NPNT: variants seen among roughly 807,000 people sequenced by gnomAD.
NPNT encodes preosteoblast EGF-like repeat protein with MAM domain.
In NPNT, 45 loss-of-function variants were observed where a neutral mutation model predicts 68.6. That is an observed-to-expected ratio of 0.66 (90% CI 0.52 to 0.84). The LOEUF (loss-of-function observed/expected upper bound fraction) is 0.84, where lower values mean the gene tolerates loss of function less well. NPNT is among the 40% of genes least tolerant of loss of function. The pLI is 0.00. For synonymous variants in NPNT, 233 were observed against 253.3 expected (o/e 0.92, Z 0.76); for missense variants, 672 against 714.8 (o/e 0.94, Z 0.68).
intron 10 of NPNT, among the ~76,000 whole-genome samples, chr4:105,960,899 C>G (rs1731670848): frequency 6.6e-6 from 1 of 152,104 alleles, no homozygotes; most frequent in Non-Finnish European, 1.5e-5. Context: ...GCAATTTACA[C>G]TCCTACCAAC....
intron 3 of NPNT, among the ~76,000 whole-genome samples, chr4:105,928,473 T>A (rs938847183): frequency 1.3e-5 from 2 of 151,838 alleles, no homozygotes; most frequent in Non-Finnish European, 2.9e-5. Context: ...ATTAGCTGCG[T>A]GTGGTGGCTC....
chr4:105,896,373 G>C (rs1212885736), intron 1 of NPNT, among the ~76,000 whole-genome samples: 2 of 152,098 alleles, frequency 1.3e-5, no homozygotes, highest in East Asian at 1.9e-4. Context: ...CGAGCCTGAC[G>C]GCGGCGTGCT....
In NPNT at chr4:105,923,315, G is replaced by GTT. The variant is rs11431753; in HGVS notation, c.173-4012_173-4011dup. On this transcript the variant is annotated intron_variant, in intron 2 of 11. Coordinates refer to ENST00000379987, the MANE Select transcript of NPNT (RefSeq NM_001033047.3). Reference sequence around the variant, plus strand: ...CTAGTTATTTAGATGTAGAAATAAAGTTTTTTTTTTACATTCCCCTGAGTA... The same window carrying GTT: ...CTAGTTATTTAGATGTAGAAATAAAGTTTTTTTTTTTTACATTCCCCTGAGTA... 1.5e-4 allele frequency among the ~76,000 whole-genome samples: 22 copies of GTT among 149,284 alleles called. No individual in the cohort carries two copies. The South Asian group carries it at 1.9e-3, about 13-fold the overall frequency.
chr4:105,901,590 A>G (rs1726421133), intron 2 of NPNT, among the ~76,000 whole-genome samples: 1 of 152,210 alleles, frequency 6.6e-6, no homozygotes, highest in Non-Finnish European at 1.5e-5. Context: ...TCATTGAGCA[A>G]CTTGTGGTTT....
chr4:105,936,117 G>A (rs1729471975), intron 3 of NPNT, among the ~76,000 whole-genome samples: 2 of 152,050 alleles, frequency 1.3e-5, no homozygotes, highest in African/African-American at 2.4e-5. Context: ...GTTTAATTTA[G>A]GTTAAAACCT....
In NPNT at chr4:105,897,953, A is replaced by T. The variant is rs779397846; in HGVS notation, c.124A>T (p.Ile42Phe). 2 of 1,613,346 alleles carry T rather than the reference A, an allele frequency of 1.2e-6. No homozygotes were observed. The highest frequency in any genetic ancestry group is 1.1e-5 in the South Asian group (1 of 90,916). Reference protein sequence around the residue: ...SIGLCRYGGRIDCCWGWARQS... With the variant: ...SIGLCRYGGRFDCCWGWARQS... ...TGGCCTATGTCGTTATGGTGGGAGG[A>T]TTGACTGCTGCTGGGGCTGGGCTCG... The change falls in exon 2 of 12, where the codon ATT becomes TTT. Residue 42 changes from isoleucine to phenylalanine, a missense_variant. Transcript: ENST00000379987.
intron 7 of NPNT, among the ~76,000 whole-genome samples, chr4:105,941,017 G>A (rs1427189979): frequency 6.6e-6 from 1 of 151,934 alleles, no homozygotes; most frequent in Non-Finnish European, 1.5e-5. Flanking sequence ...TTTTCCCTCT[G>A]TTTTATTGCT....
Position 105,940,148 on chromosome 4 carries a change from CATCTGCAAGTGTCA to C in NPNT, c.580_593del (p.Ile194Ter). 6.2e-7 allele frequency: 1 copy of C among 1,612,614 alleles called. No homozygotes were observed. Among genetic ancestry groups the C allele is most frequent in the Non-Finnish European group, 8.5e-7 (1 of 1,178,684 alleles). ...AATGTGTCAACACTTTTGGGAGCTA[CATCTGCAAGTGTCA>C]TAAAGGCTTCGATCTCATGTATATT... On this transcript the variant is annotated frameshift_variant, in exon 6 of 12. Coordinates refer to ENST00000379987, the MANE Select transcript of NPNT (RefSeq NM_001033047.3). LOFTEE classifies it high-confidence loss of function.
chr4:105,960,073 G>A (rs529673017), intron 10 of NPNT, among the ~76,000 whole-genome samples: 1 of 152,266 alleles, frequency 6.6e-6, no homozygotes, highest in Admixed American at 6.5e-5. Flanking sequence ...GCCTCCCAAA[G>A]TGCTGGGATT....
intron 8 of NPNT, among the ~76,000 whole-genome samples, chr4:105,956,903 G>A (rs948278882): frequency 6.6e-6 from 1 of 152,024 alleles, no homozygotes; most frequent in Non-Finnish European, 1.5e-5. Flanking sequence ...CTGTTTTAAC[G>A]TTTGAAACAA....
At chr4:105,895,888 C>T (rs1725787436) in intron 1 of NPNT, 165 bp downstream of exon 1, 3 of 620,480 alleles carry the variant, frequency 4.8e-6, no homozygotes, top group Admixed American at 3.0e-5. Flanking sequence ...CCAGCGGCTC[C>T]GAGTGCCCGC....
chr4:105,912,569 C>T, intron 2 of NPNT: 7 of 994,094 alleles, frequency 7.0e-6, no homozygotes, highest in Non-Finnish European at 8.5e-6. Flanking sequence ...CAAAGTCCAC[C>T]AAATGAAATT....
Position 105,951,219 on chromosome 4 carries a change from C to T in NPNT, c.1160-7252C>T, listed in dbSNP as rs114293589. ...ACTCATGTAAAATAAAAAGAAAAGG[C>T]GTTAATAGAAGCCAGATTATAGAAC... On this transcript the variant is annotated intron_variant, in intron 8 of 11. Coordinates refer to ENST00000379987, the MANE Select transcript of NPNT (RefSeq NM_001033047.3). Among the ~76,000 whole-genome samples, 1,319 of 152,174 alleles carry T rather than the reference C, an allele frequency of 8.7e-3. 16 individuals carry two copies. Among genetic ancestry groups the T allele is most frequent in the African/African-American group, 0.029 (1,194 of 41,516 alleles).
chr4:105,960,761 C>CGTGTGTGTGTGT (rs35898642), intron 10 of NPNT, among the ~76,000 whole-genome samples: 1 of 149,110 alleles, frequency 6.7e-6, no homozygotes, highest in African/African-American at 2.5e-5. Context: ...AACATATCTA[C>CGTGTGTGTGTGT]GTGTGTGTGT....
At chr4:105,910,065 TAA>T (rs112201238) in intron 2 of NPNT, among the ~76,000 whole-genome samples, 51 of 144,230 alleles carry the variant, frequency 3.5e-4, no homozygotes, top group African/African-American at 1.2e-3. Context: ...ACCTTTGGAT[TAA>T]AAAAAAAAAA....
chr4:105,910,202 C>A (rs1342980699), intron 2 of NPNT, among the ~76,000 whole-genome samples: 1 of 152,172 alleles, frequency 6.6e-6, no homozygotes, highest in African/African-American at 2.4e-5. Context: ...AGTTTAGTTT[C>A]TCTGGTTTAT....
Position 105,900,830 on chromosome 4 carries a change from GGTT to G in NPNT, c.172+2833_172+2835del, listed in dbSNP as rs1244956819. On this transcript the variant is annotated intron_variant, in intron 2 of 11. Coordinates refer to ENST00000379987, the MANE Select transcript of NPNT (RefSeq NM_001033047.3). Reference sequence around the variant, plus strand: ...TAGTTCTTTTGTAGGTCATACCCTTGGTTGTTTTTTTTTTTTTTTTTTTTGATT... The same window carrying G: ...TAGTTCTTTTGTAGGTCATACCCTTGGTTTTTTTTTTTTTTTTTTTTGATT... Among the ~76,000 whole-genome samples, 412 of 138,738 alleles carry G rather than the reference GGTT, an allele frequency of 3.0e-3. 6 individuals carry two copies. The highest frequency in any genetic ancestry group is 0.012 in the African/African-American group (392 of 33,506). 91.0% of individuals were successfully genotyped at this position (138,738 alleles called of 152,430 possible).
chr4:105,926,826 A>G (rs1224413347), intron 2 of NPNT, among the ~76,000 whole-genome samples: 2 of 152,188 alleles, frequency 1.3e-5, no homozygotes, highest in Admixed American at 1.3e-4. Flanking sequence ...TGAAGTTCCA[A>G]AACAATGTTG....
chr4:105,927,391 G>A lies in NPNT; in HGVS notation c.228G>A (p.Lys76=). The A allele has an allele frequency of 6.2e-7, 1 of 1,613,026 alleles. No homozygotes were observed. Among genetic ancestry groups the A allele is most frequent in the Non-Finnish European group, 8.5e-7 (1 of 1,179,290 alleles). Residue 76 remains lysine (K), a synonymous_variant, in exon 3 of 12, where the codon AAG becomes AAA. Coordinates refer to ENST00000379987, the MANE Select transcript of NPNT (RefSeq NM_001033047.3). ...HGECIGPNKC[K]CHPGYAGKTC... is the part of the protein sequence containing the mutation. ...AATGTATCGGGCCAAACAAGTGCAA[G>A]TGTCATCCTGGTTATGCTGGAAAAA...
Sources: allele counts gnomAD v4.1 joint callset (sites outside exome capture counted in the v4.1 genomes callset), GRCh38; gene constraint gnomAD v4.1.1; transcripts MANE v1.5; gene names NCBI Gene and HGNC (gene_info 2026-07-23, HGNC 2026-07-21).